The following EML4 variants were observed in gnomAD, a reference collection of about 807,000 sequenced individuals.
EML4 encodes echinoderm microtubule-associated protein-like 4.
A neutral mutation model predicts 129.0 loss-of-function variants in EML4; 72 were observed. The observed-to-expected ratio is 0.56, with a 90% CI of 0.46 to 0.68. The LOEUF (loss-of-function observed/expected upper bound fraction) is 0.68, where lower values mean the gene tolerates loss of function less well. EML4 is among the 30% of genes least tolerant of loss of function. The pLI is 0.00. For synonymous variants in EML4, 532 were observed against 405.0 expected (o/e 1.31, Z -3.77); for missense variants, 1,363 against 1,190.6 (o/e 1.14, Z -2.13).
rs200323269 is a variant in EML4, at chr2:42,281,806, TAGAACCTCCA to T, written c.791+838_791+847del. Reference sequence around the variant, plus strand: ...TTCACCTAGAAATTTTCACTTCTTTTAGAACCTCCAAGAAACTCAGTGAAACAGAAGGAGT... The same window carrying T: ...TTCACCTAGAAATTTTCACTTCTTTTAGAAACTCAGTGAAACAGAAGGAGT... On this transcript the variant is annotated intron_variant, in intron 7 of 22. Transcript: ENST00000318522. Among the ~76,000 whole-genome samples the T allele has an allele frequency of 9.4e-3, 1,431 of 152,296 alleles. 21 individuals are homozygous for T. Among genetic ancestry groups the T allele is most frequent in the African/African-American group, 0.033 (1,368 of 41,558 alleles).
intron 1 of EML4, among the ~76,000 whole-genome samples, chr2:42,225,866 G>A (rs896397182): frequency 2.8e-4 from 43 of 152,162 alleles, no homozygotes; most frequent in African/African-American, 1.0e-3. Flanking sequence ...GTTTTTTGAA[G>A]TGAGAAGAAA....
chr2:42,264,953 T>C (rs1388036166), intron 6 of EML4: 1 of 1,550,406 alleles, frequency 6.4e-7, no homozygotes, highest in South Asian at 1.2e-5. Flanking sequence ...ACAGCCAAGG[T>C]AAGAATAAGC....
At position 42,320,222 on chromosome 2, in the gene EML4, C is replaced by G. The variant is rs568576820; in HGVS notation, c.2154+2698C>G. Among the ~76,000 whole-genome samples, 3 of 151,968 alleles carry G rather than the reference C, an allele frequency of 2.0e-5. No individual in the cohort carries two copies. The East Asian group carries it at 5.8e-4, about 29-fold the overall frequency. The stretch of plus-strand genomic sequence containing the variant: ...AAGCTAAGAAACAAGCTTATTATTA[C>G]TCACACCTGTAATCCCAGCACTTTG... On this transcript the variant is annotated intron_variant, in intron 19 of 22. Transcript: ENST00000318522.
chr2:42,302,589 A>G (rs1470349038), intron 14 of EML4, among the ~76,000 whole-genome samples: 1 of 150,928 alleles, frequency 6.6e-6, no homozygotes, highest in Non-Finnish European at 1.5e-5. Flanking sequence ...GCTGGAATAC[A>G]GTGGCCCAGT....
At chr2:42,202,880 T>C (rs968706568) in intron 1 of EML4, among the ~76,000 whole-genome samples, 1 of 152,086 alleles carries the variant, frequency 6.6e-6, no homozygotes, top group African/African-American at 2.4e-5. Flanking sequence ...ATAAAAAAAT[T>C]AGCCTGGTGG....
At chr2:42,226,163 T>C (rs879507450) in intron 1 of EML4, among the ~76,000 whole-genome samples, 2 of 152,070 alleles carry the variant, frequency 1.3e-5, no homozygotes, top group African/African-American at 2.4e-5. Context: ...ATGATAGTCA[T>C]TTATAGTAGA....
intron 11 of EML4, chr2:42,288,830 T>C (rs1667457273): frequency 1.3e-5 from 2 of 152,228 alleles, no homozygotes. Flanking sequence ...CAAGGGTTGA[T>C]CTCTGTGTAG....
intron 8 of EML4, 42 bp from the exon 9 acceptor site, chr2:42,284,592 A>G: frequency 1.4e-6 from 2 of 1,437,210 alleles, no homozygotes; most frequent in Non-Finnish European, 1.9e-6. Context: ...CTGTTGTTTC[A>G]TGTTTCCTGT....
chr2:42,320,327 T>TAA (rs201456204), intron 19 of EML4, among the ~76,000 whole-genome samples: 6 of 142,796 alleles, frequency 4.2e-5, no homozygotes, highest in South Asian at 2.2e-4. Flanking sequence ...TGTCTGTATT[T>TAA]TAAAAAAAAA....
chr2:42,256,261 C>G (rs1029508612), intron 2 of EML4, among the ~76,000 whole-genome samples: 2 of 152,116 alleles, frequency 1.3e-5, no homozygotes, highest in African/African-American at 2.4e-5. Flanking sequence ...AGAGAACTAG[C>G]CCAACTGTGT....
chr2:42,258,465 A>T (rs1010568358), intron 3 of EML4, among the ~76,000 whole-genome samples: 1 of 151,934 alleles, frequency 6.6e-6, no homozygotes, highest in Non-Finnish European at 1.5e-5. Flanking sequence ...CAATGGCGCA[A>T]TCTCGGCTCA....
intron 6 of EML4, among the ~76,000 whole-genome samples, chr2:42,278,514 C>T (rs978210646): frequency 4.2e-5 from 5 of 119,682 alleles, no homozygotes; most frequent in African/African-American, 6.5e-5. Flanking sequence ...GCGGAGGTTG[C>T]GGTGAGCCGA....
At chr2:42,293,987 C>A (rs563953112) in intron 11 of EML4, among the ~76,000 whole-genome samples, 3 of 152,208 alleles carry the variant, frequency 2.0e-5, no homozygotes, top group Non-Finnish European at 2.9e-5. Context: ...TTAATGATCA[C>A]CCTGTAAATA....
chr2:42,326,114 A>G, intron 20 of EML4, 40 bp from the exon 21 acceptor site: 1 of 1,608,522 alleles, frequency 6.2e-7, no homozygotes, highest in African/African-American at 1.3e-5. Flanking sequence ...ACATTTGTAC[A>G]CAAGCACTAT....
At chr2:42,263,871 A>C (rs1558553854) in intron 5 of EML4, among the ~76,000 whole-genome samples, 1 of 151,974 alleles carries the variant, frequency 6.6e-6, no homozygotes, top group Non-Finnish European at 1.5e-5. Flanking sequence ...CTGGGACTAG[A>C]GGTGTGCACC....
Position 42,267,130 on chromosome 2 carries a change from T to TAAC in EML4, c.667+2400_667+2402dup, listed in dbSNP as rs769173978. On this transcript the variant is annotated intron_variant, in intron 6 of 22. Transcript: ENST00000318522. Reference sequence around the variant, plus strand: ...CCCTAAGTCTTTGTTTTCTCATCTGTAACTGAGATAATAATAAGCCATTAA... The same window carrying TAAC: ...CCCTAAGTCTTTGTTTTCTCATCTGTAACAACTGAGATAATAATAAGCCATTAA... 1.6e-4 allele frequency among the ~76,000 whole-genome samples: 25 copies of TAAC among 152,334 alleles called. No individual in the cohort carries two copies. In the East Asian group the frequency reaches 4.2e-3, roughly 26 times the overall value.
intron 21 of EML4, among the ~76,000 whole-genome samples, chr2:42,328,567 C>G (rs1669932403): frequency 6.6e-6 from 1 of 152,138 alleles, no homozygotes; most frequent in Non-Finnish European, 1.5e-5. Flanking sequence ...AAAGGAAGAG[C>G]TTATTGCTGA....
At chr2:42,188,389 T>C (rs1034542984) in intron 1 of EML4, among the ~76,000 whole-genome samples, 1 of 151,846 alleles carries the variant, frequency 6.6e-6, no homozygotes, top group Non-Finnish European at 1.5e-5. Flanking sequence ...CCTGGCTAAT[T>C]TTTGTATTTT....
At chr2:42,218,487 G>A (rs190373668) in intron 1 of EML4, among the ~76,000 whole-genome samples, 1 of 152,096 alleles carries the variant, frequency 6.6e-6, no homozygotes, top group Admixed American at 6.6e-5. Flanking sequence ...CACGAAACCT[G>A]TCCCTGGTAT....
Sources: allele counts gnomAD v4.1 joint callset (sites outside exome capture counted in the v4.1 genomes callset), GRCh38; gene constraint gnomAD v4.1.1; transcripts MANE v1.5; gene names NCBI Gene and HGNC (gene_info 2026-07-23, HGNC 2026-07-21).